Variants in ARSG observed in about 807,000 individuals in gnomAD.
ARSG encodes the protein ASG.
Under a neutral mutation model 50.5 loss-of-function variants are expected in ARSG, and 37 were observed. The observed-to-expected ratio is 0.73, with a 90% CI of 0.56 to 0.96. ARSG has a LOEUF of 0.96. Ranked by LOEUF, ARSG falls within the 50% of genes least tolerant of loss-of-function variation. The pLI is 0.00. For synonymous variants in ARSG, 225 were observed against 254.6 expected (o/e 0.88, Z 1.11); for missense variants, 629 against 675.3 (o/e 0.93, Z 0.76).
intron 2 of ARSG, among the ~76,000 whole-genome samples, chr17:68,315,501 T>A (rs1555768164): frequency 1.3e-5 from 2 of 151,948 alleles, no homozygotes; most frequent in African/African-American, 2.4e-5. Flanking sequence ...CACTCCAGCC[T>A]GGGTGATGGA....
At chr17:68,273,036 C>G (rs782247708) in intron 1 of ARSG, among the ~76,000 whole-genome samples, 9 of 149,720 alleles carry the variant, frequency 6.0e-5, no homozygotes, top group Non-Finnish European at 1.2e-4. Flanking sequence ...ATATAATTCA[C>G]AATGGATGAA....
At chr17:68,401,594 A>C in intron 11 of ARSG, 144 bp downstream of exon 11, 1 of 666,006 alleles carries the variant, frequency 1.5e-6, no homozygotes, top group Non-Finnish European at 2.5e-6. Context: ...GTCTCCTCCA[A>C]ACCCAGGGTC....
At chr17:68,427,017 G>A (rs1206808471), downstream of ARSG, 1 of 810,902 alleles carries the variant, frequency 1.2e-6, no homozygotes, top group Non-Finnish European at 2.0e-6. Context: ...GGGGGAAGGG[G>A]AGGGAGGGCA....
chr17:68,385,859 C>T (rs963734391), intron 9 of ARSG, among the ~76,000 whole-genome samples: 7 of 152,068 alleles, frequency 4.6e-5, no homozygotes, highest in African/African-American at 1.4e-4. Flanking sequence ...TCTAGCAATC[C>T]GATGGCCCCA....
chr17:68,288,306 T>C (rs550342649), upstream of ARSG, among the ~76,000 whole-genome samples: 1 of 152,258 alleles, frequency 6.6e-6, no homozygotes, highest in Non-Finnish European at 1.5e-5. Context: ...GGCCTTCTCC[T>C]TTTCTTTTTT....
chr17:68,356,525 T>TG, intron 5 of ARSG, 142 bp from the exon 6 acceptor site: 1 of 893,578 alleles, frequency 1.1e-6, no homozygotes, highest in Non-Finnish European at 1.7e-6. Flanking sequence ...CTTTTACACT[T>TG]GGAGGAAATG....
chr17:68,347,025 G>A lies in ARSG; in HGVS notation c.407-100G>A, dbSNP rs567540590. 1.1e-3 allele frequency: 1,760 copies of A among 1,576,530 alleles called. 36 individuals carry two copies. In the South Asian group the frequency reaches 0.018, roughly 16 times the overall value. ...TTCTTTTGGCTTGTCCACAGTGCGA[G>A]GCGAAGCTAATGGAGAGCTGAGTGT... On this transcript the variant is annotated intron_variant, in intron 3 of 11. Transcript: ENST00000621439.
intron 3 of ARSG, among the ~76,000 whole-genome samples, chr17:68,344,488 G>A (rs377083534): frequency 6.6e-6 from 1 of 152,184 alleles, no homozygotes; most frequent in African/African-American, 2.4e-5. Flanking sequence ...CTCTTACTCA[G>A]CATTTATTAT....
At chr17:68,272,546 TCATC>T (rs1302176840) in intron 1 of ARSG, 2 of 1,420,434 alleles carry the variant, frequency 1.4e-6, no homozygotes, top group East Asian at 4.6e-5. Context: ...ACACTGAAAG[TCATC>T]CATACTGTTG....
intron 2 of ARSG, among the ~76,000 whole-genome samples, chr17:68,330,495 G>A (rs2077683193): frequency 6.6e-6 from 1 of 152,154 alleles, no homozygotes; most frequent in African/African-American, 2.4e-5. Context: ...ATATTTGGAA[G>A]TTGAGTTGAT....
intron 1 of ARSG, among the ~76,000 whole-genome samples, chr17:68,276,399 T>C (rs1555750952): frequency 6.6e-6 from 1 of 152,132 alleles, no homozygotes; most frequent in African/African-American, 2.4e-5. Context: ...TCCATGACAG[T>C]GTGTAAGTGT....
chr17:68,335,293 C>G (rs765785814), intron 2 of ARSG, among the ~76,000 whole-genome samples: 50 of 152,128 alleles, frequency 3.3e-4, no homozygotes, highest in Non-Finnish European at 6.0e-4. Flanking sequence ...GTGGCTCATG[C>G]CTGTAATCCC....
chr17:68,281,638 A>G lies in ARSG; in HGVS notation c.-552+22212A>G, dbSNP rs911165557. Among the ~76,000 whole-genome samples the G allele has an allele frequency of 1.5e-4, 23 of 152,314 alleles. No homozygotes were observed. The South Asian group carries it at 2.3e-3, about 15-fold the overall frequency. On this transcript the variant is annotated intron_variant, in intron 1 of 11. Transcript: ENST00000448504. ...AGCAGACATTTCTCAAAAGACATAC[A>G]TATGGCCAACAAATATATGAAAAAA...
intron 1 of ARSG, 82 bp downstream of exon 1, chr17:68,291,650 C>G (rs1483229751): frequency 6.6e-6 from 1 of 151,716 alleles, no homozygotes; most frequent in African/African-American, 2.4e-5. Context: ...TCTCCCAACC[C>G]GGGTGCGCCT....
chr17:68,295,659 C>T (rs1400124450), intron 1 of ARSG, among the ~76,000 whole-genome samples: 2 of 148,208 alleles, frequency 1.3e-5, no homozygotes, highest in Non-Finnish European at 3.0e-5. Flanking sequence ...CAAGACACCA[C>T]ATCTAAGACA....
the ARSG span, chr17:68,450,808 C>T: frequency 4.6e-5 from 74 of 1,614,158 alleles, no homozygotes; most frequent in Non-Finnish European, 5.6e-5. Context: ...AAGTGATACA[C>T]GTTCATCTGC....
chr17:68,293,151 A>G (rs1415697834), intron 1 of ARSG, among the ~76,000 whole-genome samples: 1 of 152,178 alleles, frequency 6.6e-6, no homozygotes, highest in African/African-American at 2.4e-5. Context: ...TGATATTTAG[A>G]AACTGATTTG....
At chr17:68,439,941 C>T in the ARSG span, among the ~76,000 whole-genome samples, 362 of 152,300 alleles carry the variant, frequency 2.4e-3, 8 homozygotes, top group East Asian at 0.064. Flanking sequence ...AAGCCTTGGA[C>T]GCATACCTCC....
At chr17:68,435,776 C>T in the ARSG span, 31 of 1,433,812 alleles carry the variant, frequency 2.2e-5, no homozygotes, top group Middle Eastern at 3.5e-4. Context: ...TTTCACCTCC[C>T]TCCCCTTCCT....
Sources: gnomAD v4.1 joint callset for allele counts (sites outside exome capture counted in the v4.1 genomes callset) on GRCh38, gnomAD v4.1.1 for gene constraint, MANE v1.5 for transcripts, NCBI Gene and HGNC (gene_info 2026-07-23, HGNC 2026-07-21) for gene names.